Variants in EPB41L5 observed in about 807,000 individuals in gnomAD.
EPB41L5 encodes the protein band 4.1-like protein 5.
A neutral mutation model predicts 106.6 loss-of-function variants in EPB41L5; 55 were observed. The observed-to-expected ratio is 0.52, with a 90% CI of 0.42 to 0.65. EPB41L5 has a LOEUF of 0.65. EPB41L5 is among the 30% of genes least tolerant of loss of function. The pLI is 0.00. For synonymous variants in EPB41L5, 297 were observed against 306.7 expected (o/e 0.97, Z 0.33); for missense variants, 871 against 882.1 (o/e 0.99, Z 0.16).
At chr2:120,111,642 A>C (rs1050102924) in intron 16 of EPB41L5, among the ~76,000 whole-genome samples, 2 of 152,062 alleles carry the variant, frequency 1.3e-5, no homozygotes, top group African/African-American at 4.8e-5. Flanking sequence ...ACTGCTTGTT[A>C]CCATCTTTAC....
At chr2:120,020,826 A>AAAAAT (rs997243260) in intron 2 of EPB41L5, among the ~76,000 whole-genome samples, 4 of 30,408 alleles carry the variant, frequency 1.3e-4, no homozygotes, top group African/African-American at 3.6e-4. Flanking sequence ...AAAAAAAAAA[A>AAAAAT]AAAGAGGTTT....
chr2:120,110,610 A>C (rs1039537082), intron 16 of EPB41L5, among the ~76,000 whole-genome samples: 1 of 150,420 alleles, frequency 6.6e-6, no homozygotes, highest in Admixed American at 6.6e-5. Context: ...AGAAATTCCC[A>C]CACCCTCCTG....
At chr2:120,057,309 T>C (rs1479571378) in intron 3 of EPB41L5, among the ~76,000 whole-genome samples, 1 of 152,200 alleles carries the variant, frequency 6.6e-6, no homozygotes, top group African/African-American at 2.4e-5. Context: ...GTCATCGTTG[T>C]TTTAGTGGAC....
chr2:120,111,038 T>C (rs1374739066), intron 16 of EPB41L5, among the ~76,000 whole-genome samples: 1 of 152,194 alleles, frequency 6.6e-6, no homozygotes, highest in Non-Finnish European at 1.5e-5. Flanking sequence ...TTAACATTGG[T>C]ACAATACCAC....
intron 18 of EPB41L5, among the ~76,000 whole-genome samples, chr2:120,132,544 T>G (rs1685747819): frequency 6.6e-6 from 1 of 152,222 alleles, no homozygotes; most frequent in Non-Finnish European, 1.5e-5. Context: ...CGCACTGTTA[T>G]GATTCAAACT....
At chr2:120,125,123 A>T (rs1685399751) in intron 16 of EPB41L5, among the ~76,000 whole-genome samples, 2 of 152,154 alleles carry the variant, frequency 1.3e-5, no homozygotes, top group African/African-American at 4.8e-5. Flanking sequence ...TAGAGAGAAG[A>T]TGGTTTTCTT....
intron 3 of EPB41L5, among the ~76,000 whole-genome samples, chr2:120,055,481 ATTTTTTT>A (rs34856540): frequency 9.4e-5 from 8 of 85,552 alleles, no homozygotes; most frequent in East Asian, 3.6e-4. Flanking sequence ...TAGGTTTTTA[ATTTTTTT>A]TTTTTTTTTT....
intron 21 of EPB41L5, among the ~76,000 whole-genome samples, 200 bp downstream of exon 21, chr2:120,161,174 T>G (rs1391539135): frequency 6.6e-6 from 1 of 151,954 alleles, no homozygotes; most frequent in Non-Finnish European, 1.5e-5. Context: ...GCTCAGGAGT[T>G]CAAGACCAGC....
intron 3 of EPB41L5, among the ~76,000 whole-genome samples, chr2:120,042,326 A>G (rs185066154): frequency 6.6e-6 from 1 of 152,340 alleles, no homozygotes; most frequent in Admixed American, 6.5e-5. Flanking sequence ...CCTGAATTAC[A>G]AGAACAAAAG....
chr2:120,173,619 C>G (rs147087184), intron 24 of EPB41L5, among the ~76,000 whole-genome samples: 15 of 152,302 alleles, frequency 9.8e-5, no homozygotes, highest in Admixed American at 7.2e-4. Context: ...ATTTATAAAT[C>G]TTGTTACCAC....
intron 1 of EPB41L5, among the ~76,000 whole-genome samples, chr2:120,016,397 T>G (rs1677531051): frequency 6.6e-6 from 1 of 151,502 alleles, no homozygotes; most frequent in Non-Finnish European, 1.5e-5. Context: ...GCCATTGCAC[T>G]GCAACCTGGG....
At chr2:120,085,107 A>C (rs1049456859) in intron 10 of EPB41L5, among the ~76,000 whole-genome samples, 1 of 152,044 alleles carries the variant, frequency 6.6e-6, no homozygotes, top group Non-Finnish European at 1.5e-5. Flanking sequence ...TGATCATCTG[A>C]AGCCTTCTCT....
At chr2:120,113,506 C>G (rs1023359950) in intron 16 of EPB41L5, among the ~76,000 whole-genome samples, 5 of 152,126 alleles carry the variant, frequency 3.3e-5, no homozygotes, top group Non-Finnish European at 5.9e-5. Flanking sequence ...ATTACCAAAG[C>G]CACAGATTAA....
intron 3 of EPB41L5, among the ~76,000 whole-genome samples, chr2:120,068,557 G>A (rs1024016189): frequency 5.3e-5 from 8 of 152,282 alleles, no homozygotes; most frequent in African/African-American, 9.6e-5. Flanking sequence ...TTGAGTAGGC[G>A]GTTTTCCCCT....
intron 20 of EPB41L5, among the ~76,000 whole-genome samples, chr2:120,155,751 A>G (rs1319209389): frequency 1.3e-5 from 2 of 151,484 alleles, no homozygotes; most frequent in South Asian, 2.1e-4. Flanking sequence ...TTCACTGACT[A>G]TTCTGCCTGC....
rs375021744 is a variant in EPB41L5, at chr2:120,037,261, C to A, written c.181-4745C>A. ...AACACTGCTGAGAGGAATGAAAGAA[C>A]ATGTAAATAAGAAGGAAGATATCCC... is the stretch of plus-strand genomic sequence containing the variant. On this transcript the variant is annotated intron_variant, in intron 2 of 24. Coordinates refer to ENST00000263713, the MANE Select transcript of EPB41L5 (RefSeq NM_020909.4). 9.5e-4 allele frequency among the ~76,000 whole-genome samples: 145 copies of A among 152,148 alleles called. No individual in the cohort carries two copies. The South Asian group carries it at 1.0e-2, about 10-fold the overall frequency.
chr2:120,151,726 C>T (rs1010733886), intron 20 of EPB41L5, among the ~76,000 whole-genome samples: 3 of 151,596 alleles, frequency 2.0e-5, no homozygotes, highest in Admixed American at 1.3e-4. Context: ...AAGCGATTCT[C>T]CTGCCTCACC....
intron 2 of EPB41L5, among the ~76,000 whole-genome samples, chr2:120,033,844 A>T (rs936081036): frequency 6.6e-6 from 1 of 152,178 alleles, no homozygotes; most frequent in Non-Finnish European, 1.5e-5. Context: ...TTATAATCCC[A>T]GCACTTTGGG....
chr2:120,041,916 A>G (rs1286416174), intron 2 of EPB41L5, 90 bp from the exon 3 acceptor site: 3 of 874,466 alleles, frequency 3.4e-6, no homozygotes, highest in Admixed American at 4.6e-5. Context: ...CCTTTCTTCA[A>G]GAGATCTTGT....
Sources: gnomAD v4.1 joint callset for allele counts (sites outside exome capture counted in the v4.1 genomes callset) on GRCh38, gnomAD v4.1.1 for gene constraint, MANE v1.5 for transcripts, NCBI Gene and HGNC (gene_info 2026-07-23, HGNC 2026-07-21) for gene names.